Variants in CTDP1 observed in about 807,000 individuals in gnomAD.
CTDP1 encodes RNA polymerase II subunit A C-terminal domain phosphatase.
A neutral mutation model predicts 91.8 loss-of-function variants in CTDP1; 47 were observed. The ratio of observed to expected loss-of-function variants is 0.51; its 90% CI spans 0.41 to 0.65. CTDP1 has a LOEUF of 0.65. Ranked by LOEUF, CTDP1 falls within the 30% of genes least tolerant of loss-of-function variation. The probability of loss-of-function intolerance (pLI) is 0.00; values close to 1 mark genes in which losing one functional copy is unlikely to be tolerated. For missense variants in CTDP1, 1,272 were observed against 1,373.7 expected, an observed-to-expected ratio of 0.93 and a Z score of 1.17; for synonymous variants, 656 against 598.5, an observed-to-expected ratio of 1.10 and a Z score of -1.40.
chr18:79,726,902 TCGGGGTGGGATGACGCCGTTGC>T (rs1323954921), intron 10 of CTDP1, among the ~76,000 whole-genome samples: 1 of 78,060 alleles, frequency 1.3e-5, no homozygotes, highest in African/African-American at 3.9e-5. Context: ...TGGATGGCTG[TCGGGGTGGGATGACGCCGTTGC>T]TGGTGGACGT....
chr18:79,713,989 C>T lies in CTDP1; in HGVS notation c.1031-502C>T, dbSNP rs1599250098. 9.4e-6 allele frequency among the ~76,000 whole-genome samples: 1 copy of T among 106,206 alleles called. No individual in the cohort carries two copies. Among genetic ancestry groups the T allele is most frequent in the African/African-American group, 3.2e-5 (1 of 31,566 alleles). 69.7% of individuals were successfully genotyped at this position (106,206 alleles called of 152,430 possible). ...GCGCCAGGTCTGCAGGGGCTTACGGCCACGGTGGTGCCAGGTCTGCAGGGG... is the reference window on the plus strand; with the variant it reads ...GCGCCAGGTCTGCAGGGGCTTACGGTCACGGTGGTGCCAGGTCTGCAGGGG... On this transcript the variant is annotated intron_variant, in intron 7 of 12. Transcript: ENST00000613122. This position sits in a 1 kb window ranked among gnomAD's most constrained non-coding sequence, Gnocchi z 4.7.
At chr18:79,716,194 C>T (rs531612644) in intron 8 of CTDP1, among the ~76,000 whole-genome samples, 3 of 152,324 alleles carry the variant, frequency 2.0e-5, no homozygotes, top group East Asian at 1.9e-4. Context: ...CGGTTTTTCT[C>T]CTCCAATCTG....
rs139670778 is a variant in CTDP1 at position 79,736,616 on chromosome 18, G to A, written c.2747+95G>A. On this transcript the variant is annotated intron_variant, in intron 12 of 12. Coordinates refer to ENST00000613122, the MANE Select transcript of CTDP1 (RefSeq NM_004715.5). ...CGCCTACCTGCATCTCATTCTTCAC[G>A]CCCTCCACCATTCTGTGTGTGACAC... 1.1e-3 allele frequency: 1,352 copies of A among 1,249,688 alleles called. 18 individuals are homozygous for A. The African/African-American group carries it at 0.018, about 17-fold the overall frequency. 77.4% of individuals were successfully genotyped at this position (1,249,688 alleles called of 1,614,324 possible).
At chr18:79,732,985 A>G (rs1482870522) in intron 11 of CTDP1, among the ~76,000 whole-genome samples, 1 of 151,488 alleles carries the variant, frequency 6.6e-6, no homozygotes, top group Admixed American at 6.6e-5. Flanking sequence ...GCTAACGTGG[A>G]TTTTTCTTCT....
intron 10 of CTDP1, among the ~76,000 whole-genome samples, chr18:79,725,717 A>C (rs1480145989): frequency 1.3e-5 from 2 of 151,528 alleles, no homozygotes; most frequent in East Asian, 3.9e-4. Flanking sequence ...TCCCGACCTG[A>C]CCTGGAGTGT....
chr18:79,736,108 G>T (rs774176573), intron 11 of CTDP1: 3 of 581,104 alleles, frequency 5.2e-6, no homozygotes, highest in African/African-American at 3.7e-5. Context: ...GGGACAGAAG[G>T]AATTTAAACC....
rs1568194273 is a variant in CTDP1, at chr18:79,714,603, A to C, written c.1143A>C (p.Ala381=). The C allele has an allele frequency of 3.7e-6, 6 of 1,612,996 alleles. No individual in the cohort carries two copies. The highest frequency in any genetic ancestry group is 5.1e-6 in the Non-Finnish European group (6 of 1,180,014). ...CCAGCAATGGCCTGGAGAAGCCTGCACGGGAGCTGAACGGCAGCGAGGCCG... is the reference window on the plus strand; with the variant it reads ...CCAGCAATGGCCTGGAGAAGCCTGCCCGGGAGCTGAACGGCAGCGAGGCCG... ...VEPSNGLEKP[A]RELNGSEAAT... Residue 381 remains alanine (A), a synonymous_variant, in exon 8 of 13, where the codon GCA becomes GCC. Coordinates refer to ENST00000613122, the MANE Select transcript of CTDP1 (RefSeq NM_004715.5).
intron 1 of CTDP1, among the ~76,000 whole-genome samples, chr18:79,682,447 A>G (rs765090697): frequency 1.1e-4 from 17 of 152,236 alleles, no homozygotes; most frequent in Non-Finnish European, 2.2e-4. Context: ...AAATCTCCGC[A>G]GCTTTTGCTT....
At chr18:79,700,597 G>A (rs1218738855) in intron 4 of CTDP1, among the ~76,000 whole-genome samples, 1 of 152,236 alleles carries the variant, frequency 6.6e-6, no homozygotes, top group African/African-American at 2.4e-5. Flanking sequence ...TCATGAGGGT[G>A]AAGGAAGAAG....
intron 10 of CTDP1, among the ~76,000 whole-genome samples, chr18:79,720,930 C>T (rs185328305): frequency 6.6e-6 from 1 of 152,134 alleles, no homozygotes; most frequent in African/African-American, 2.4e-5. Flanking sequence ...TCTGCTGAAT[C>T]GGCTCACAAA....
At chr18:79,679,290 G>C (rs1030084223), upstream of CTDP1, 4 of 409,512 alleles carry the variant, frequency 9.8e-6, no homozygotes, top group Non-Finnish European at 2.0e-5. Context: ...GGGTCCGGGG[G>C]GGGACACGAG....
At chr18:79,731,201 A>G (rs2086558946) in intron 11 of CTDP1, among the ~76,000 whole-genome samples, 1 of 152,186 alleles carries the variant, frequency 6.6e-6, no homozygotes, top group Non-Finnish European at 1.5e-5. Flanking sequence ...ATGGGGAGTC[A>G]AGAGGATCTG....
chr18:79,695,394 C>A, intron 2 of CTDP1, 86 bp downstream of exon 2: 1 of 1,233,350 alleles, frequency 8.1e-7, no homozygotes, highest in Non-Finnish European at 1.2e-6. Flanking sequence ...GCTGGGAACA[C>A]AGTGAGGCCC....
chr18:79,716,618 G>A (rs1276573706), intron 8 of CTDP1, among the ~76,000 whole-genome samples: 1 of 151,766 alleles, frequency 6.6e-6, no homozygotes, highest in African/African-American at 2.4e-5. Context: ...GCCCTGCCGC[G>A]TGTCTGCCCA....
chr18:79,695,163 T>C, intron 1 of CTDP1, 62 bp from the exon 2 acceptor site: 1 of 1,485,064 alleles, frequency 6.7e-7, no homozygotes, highest in Admixed American at 1.7e-5. Flanking sequence ...AATTCTTACT[T>C]GGGGGCTCTT....
Position 79,706,842 on chromosome 18 carries a change from C to T in CTDP1, c.772+1925C>T, listed in dbSNP as rs965725247. On this transcript the variant is annotated intron_variant, in intron 5 of 12. Coordinates refer to ENST00000613122, the MANE Select transcript of CTDP1 (RefSeq NM_004715.5). The stretch of plus-strand genomic sequence containing the variant: ...CTGGGAGGGTGACGGGTTTGCCTCC[C>T]GCCTCCCACACAAGGCGCACACCAG... Among the ~76,000 whole-genome samples, 9 of 152,250 alleles carry T rather than the reference C, an allele frequency of 5.9e-5. 1 individual carries two copies. The highest frequency in any genetic ancestry group is 1.3e-4 in the Admixed American group (2 of 15,292).
chr18:79,695,376 G>A (rs938427892), intron 2 of CTDP1, 68 bp downstream of exon 2: 32 of 1,428,462 alleles, frequency 2.2e-5, no homozygotes, highest in Non-Finnish European at 3.1e-5. Context: ...GGGAGTCCGA[G>A]AAGCTGTGCT....
chr18:79,729,660 CG>C (rs1295068706), intron 11 of CTDP1, among the ~76,000 whole-genome samples: 1 of 152,216 alleles, frequency 6.6e-6, no homozygotes, highest in Admixed American at 6.5e-5. Flanking sequence ...CCCCTTGGCC[CG>C]TGTGCTTCTC....
intron 11 of CTDP1, among the ~76,000 whole-genome samples, chr18:79,733,760 C>G (rs1166806377): frequency 6.6e-6 from 1 of 152,180 alleles, no homozygotes; most frequent in Non-Finnish European, 1.5e-5. Context: ...CCACCTCACT[C>G]CAGCGCAGAG....
Sources: allele counts gnomAD v4.1 joint callset (sites outside exome capture counted in the v4.1 genomes callset), GRCh38; gene constraint gnomAD v4.1.1; non-coding constraint Gnocchi (gnomAD v3.1); transcripts MANE v1.5; gene names NCBI Gene and HGNC (gene_info 2026-07-23, HGNC 2026-07-21).